Variants in TENM3 observed in about 807,000 individuals in gnomAD.
The protein encoded by TENM3 is teneurin-3.
Under a neutral mutation model 255.1 loss-of-function variants are expected in TENM3, and 63 were observed. The ratio of observed to expected loss-of-function variants is 0.25; its 90% CI spans 0.20 to 0.30. TENM3 has a LOEUF of 0.30. Ranked by LOEUF, TENM3 falls within the 10% of genes least tolerant of loss-of-function variation. The pLI is 1.00. For missense variants in TENM3, 2,929 were observed against 3,461.1 expected, an observed-to-expected ratio of 0.85 and a Z score of 3.86; for synonymous variants, 1,306 against 1,322.3, an observed-to-expected ratio of 0.99 and a Z score of 0.27.
chr4:182,077,044 G>A, the TENM3 span, among the ~76,000 whole-genome samples: 52 of 152,088 alleles, frequency 3.4e-4, no homozygotes, highest in Non-Finnish European at 5.9e-4. Flanking sequence ...TGACAGTCAC[G>A]GACACAGCAG....
At chr4:182,518,804 A>G (rs1738266127) in intron 3 of TENM3, among the ~76,000 whole-genome samples, 1 of 152,214 alleles carries the variant, frequency 6.6e-6, no homozygotes, top group South Asian at 2.1e-4. Flanking sequence ...CTAAGATTAA[A>G]TGGTAATTTG....
chr4:182,415,374 G>A (rs1770292700), intron 3 of TENM3, among the ~76,000 whole-genome samples: 1 of 152,182 alleles, frequency 6.6e-6, no homozygotes, highest in Non-Finnish European at 1.5e-5. Context: ...AAAGAAATAT[G>A]TAATGTTATG....
chr4:181,633,266 C>G, the TENM3 span, among the ~76,000 whole-genome samples: 2 of 152,036 alleles, frequency 1.3e-5, no homozygotes, highest in African/African-American at 4.8e-5. Flanking sequence ...GCAAATTATC[C>G]GAGGAAAACC....
At chr4:181,937,452 C>T in the TENM3 span, among the ~76,000 whole-genome samples, 1 of 152,148 alleles carries the variant, frequency 6.6e-6, no homozygotes, top group Non-Finnish European at 1.5e-5. Context: ...CTGATGGTAG[C>T]TTAGCCATCG....
chr4:182,504,970 A>T (rs1275990914), intron 3 of TENM3, among the ~76,000 whole-genome samples: 2 of 152,114 alleles, frequency 1.3e-5, no homozygotes, highest in Non-Finnish European at 2.9e-5. Context: ...TGGGAGGGTG[A>T]TCTTATTCCT....
At chr4:181,926,577 G>A in the TENM3 span, among the ~76,000 whole-genome samples, 1 of 152,040 alleles carries the variant, frequency 6.6e-6, no homozygotes, top group Non-Finnish European at 1.5e-5. Context: ...GGGTTTTGTT[G>A]TTGTTGTTGT....
intron 3 of TENM3, among the ~76,000 whole-genome samples, chr4:182,482,150 A>G (rs772336511): frequency 7.9e-5 from 12 of 152,192 alleles, no homozygotes; most frequent in Non-Finnish European, 5.9e-5. Context: ...TATAAAAATA[A>G]TGTAAATTCA....
the TENM3 span, among the ~76,000 whole-genome samples, chr4:181,725,276 C>G: frequency 1.3e-5 from 2 of 152,140 alleles, no homozygotes; most frequent in Non-Finnish European, 2.9e-5. Context: ...TACTGGACAT[C>G]AGGAAAGAAA....
At chr4:181,521,913 G>A in the TENM3 span, among the ~76,000 whole-genome samples, 7 of 151,892 alleles carry the variant, frequency 4.6e-5, no homozygotes, top group Admixed American at 3.3e-4. Flanking sequence ...TGGCTAACGC[G>A]GTGAAACCCC....
intron 3 of TENM3, among the ~76,000 whole-genome samples, chr4:182,502,528 C>T (rs1201015485): frequency 6.6e-6 from 1 of 152,076 alleles, no homozygotes; most frequent in African/African-American, 2.4e-5. Context: ...ATTGTACATT[C>T]TCAGAGATCA....
At chr4:181,654,857 C>T in the TENM3 span, among the ~76,000 whole-genome samples, 2 of 151,818 alleles carry the variant, frequency 1.3e-5, no homozygotes, top group African/African-American at 4.8e-5. Flanking sequence ...AGTTGGGGCT[C>T]AGCAGTCTCC....
the TENM3 span, among the ~76,000 whole-genome samples, chr4:181,983,011 C>T: frequency 0.17 from 25,942 of 152,034 alleles, 2,303 homozygotes; most frequent in Non-Finnish European, 0.21. Flanking sequence ...CTGGAAGAAG[C>T]CATTCCGTAG....
chr4:182,382,830 C>T (rs1248393663), intron 3 of TENM3, among the ~76,000 whole-genome samples: 1 of 152,196 alleles, frequency 6.6e-6, no homozygotes, highest in Non-Finnish European at 1.5e-5. Context: ...GGCAGGTGAG[C>T]TCATCCTTTT....
the TENM3 span, among the ~76,000 whole-genome samples, chr4:181,627,540 T>C: frequency 1.3e-5 from 2 of 152,090 alleles, no homozygotes; most frequent in African/African-American, 4.8e-5. Flanking sequence ...CTGTGTCCAG[T>C]TGTTCTCATT....
At chr4:182,498,683 G>A (rs1269133946) in intron 3 of TENM3, among the ~76,000 whole-genome samples, 4 of 151,694 alleles carry the variant, frequency 2.6e-5, no homozygotes, top group South Asian at 2.1e-4. Flanking sequence ...GTGAAACCCC[G>A]TCTCTACTAA....
chr4:181,641,701 A>ATATAT, the TENM3 span, among the ~76,000 whole-genome samples: 3 of 98,494 alleles, frequency 3.0e-5, no homozygotes, highest in East Asian at 2.8e-4. Flanking sequence ...AATGTATAAT[A>ATATAT]TATATATTAT....
At chr4:182,278,863 T>C (rs1026548611) in intron 1 of TENM3, among the ~76,000 whole-genome samples, 2 of 152,160 alleles carry the variant, frequency 1.3e-5, no homozygotes, top group South Asian at 2.1e-4. Flanking sequence ...CAAAACCCTA[T>C]GTCATGCGCT....
chr4:182,724,928 A>G (rs1271262930), intron 13 of TENM3, among the ~76,000 whole-genome samples: 2 of 152,228 alleles, frequency 1.3e-5, no homozygotes, highest in African/African-American at 4.8e-5. Context: ...AAATCCATCA[A>G]GTAAGAACTA....
intron 3 of TENM3, among the ~76,000 whole-genome samples, chr4:182,417,430 C>G (rs779617029): frequency 1.3e-5 from 2 of 152,170 alleles, no homozygotes; most frequent in Non-Finnish European, 2.9e-5. Flanking sequence ...AAAAAGTTAT[C>G]TAACCCTTTT....
Sources: allele counts gnomAD v4.1 joint callset (sites outside exome capture counted in the v4.1 genomes callset), GRCh38; gene constraint gnomAD v4.1.1; transcripts MANE v1.5; gene names NCBI Gene and HGNC (gene_info 2026-07-23, HGNC 2026-07-21).